The following CTIF variants were observed in gnomAD, a reference collection of about 807,000 sequenced individuals.
The protein encoded by CTIF is CBP80/20-dependent translation initiation factor.
CTIF carries 21 observed loss-of-function variants against 66.0 expected under a neutral mutation model. The observed-to-expected ratio is 0.32, with a 90% CI of 0.23 to 0.46. CTIF has a LOEUF of 0.46. Ranked by LOEUF, CTIF falls within the 20% of genes least tolerant of loss-of-function variation. The pLI is 1.00. For synonymous variants in CTIF, 345 were observed against 326.4 expected, an observed-to-expected ratio of 1.06 and a Z score of -0.62; for missense variants, 739 against 812.7, an observed-to-expected ratio of 0.91 and a Z score of 1.10.
Position 48,860,678 on chromosome 18 carries a change from G to A in CTIF, c.*1119G>A, listed in dbSNP as rs900425949. ...TCTTACTGGGGAAAAGGATGGGAGTGGGGGCTCCCCAGGACTCGATTTTAG... is the reference window on the plus strand; with the variant it reads ...TCTTACTGGGGAAAAGGATGGGAGTAGGGGCTCCCCAGGACTCGATTTTAG... On this transcript the variant is annotated 3_prime_UTR_variant, in exon 12 of 12. Coordinates refer to ENST00000256413, the MANE Select transcript of CTIF (RefSeq NM_014772.3). 6 of 152,276 alleles carry A rather than the reference G, an allele frequency of 3.9e-5. No individual in the cohort carries two copies. In the South Asian group the frequency reaches 1.1e-3, roughly 27 times the overall value. The allele number at this position is 152,276 out of a possible 1,614,324, so 9.4% of individuals were successfully genotyped here.
At chr18:48,540,703 G>A (rs2088589524) in intron 1 of CTIF, among the ~76,000 whole-genome samples, 1 of 151,886 alleles carries the variant, frequency 6.6e-6, no homozygotes, top group South Asian at 2.1e-4. Context: ...CCGCCCGGCT[G>A]TTTGTGTGTA....
chr18:48,846,522 G>T (rs2069078750), intron 10 of CTIF, among the ~76,000 whole-genome samples: 1 of 147,804 alleles, frequency 6.8e-6, no homozygotes, highest in Admixed American at 6.7e-5. Flanking sequence ...TGGATGGATG[G>T]ATGGATGGAT....
chr18:48,719,150 C>G (rs959917529), intron 7 of CTIF, among the ~76,000 whole-genome samples: 1 of 152,140 alleles, frequency 6.6e-6, no homozygotes, highest in Non-Finnish European at 1.5e-5. Flanking sequence ...TTTTTAAGCC[C>G]CATTCCTTGA....
At chr18:48,856,804 T>C (rs1018945340) in intron 10 of CTIF, among the ~76,000 whole-genome samples, 1 of 152,200 alleles carries the variant, frequency 6.6e-6, no homozygotes, top group Middle Eastern at 3.2e-3. Context: ...TGGGGAGTGA[T>C]GAAAATGTTC....
intron 6 of CTIF, among the ~76,000 whole-genome samples, chr18:48,710,952 A>T (rs529262888): frequency 6.6e-6 from 1 of 152,194 alleles, no homozygotes; most frequent in Non-Finnish European, 1.5e-5. Flanking sequence ...AGCCTGGATG[A>T]CAAAACAAGA....
chr18:48,832,176 T>TTTTTTTTTTTC (rs2068707115), intron 10 of CTIF, among the ~76,000 whole-genome samples: 1 of 146,868 alleles, frequency 6.8e-6, no homozygotes, highest in Non-Finnish European at 1.5e-5. Flanking sequence ...GGTCCTTCTT[T>TTTTTTTTTTTC]TTTTTTTTTT....
At chr18:48,743,797 C>T (rs2092573542) in intron 7 of CTIF, among the ~76,000 whole-genome samples, 1 of 151,902 alleles carries the variant, frequency 6.6e-6, no homozygotes, top group Admixed American at 6.6e-5. Context: ...TTTTTTAACA[C>T]TTAAGAGTGT....
intron 9 of CTIF, among the ~76,000 whole-genome samples, chr18:48,764,558 C>T (rs62103264): frequency 0.097 from 14,759 of 152,092 alleles, 915 homozygotes; most frequent in Non-Finnish European, 0.14. Flanking sequence ...TCCCTTCTCC[C>T]GGGCTAGGGG....
At chr18:48,727,959 T>A (rs1440432983) in intron 7 of CTIF, among the ~76,000 whole-genome samples, 2 of 152,192 alleles carry the variant, frequency 1.3e-5, no homozygotes, top group African/African-American at 4.8e-5. Flanking sequence ...GATTTTTTTT[T>A]ATTGTGACAG....
intron 6 of CTIF, among the ~76,000 whole-genome samples, chr18:48,678,286 AT>A (rs1157012384): frequency 2.6e-5 from 4 of 152,102 alleles, no homozygotes; most frequent in Admixed American, 6.6e-5. Context: ...AAAGAGAAAT[AT>A]TTTTTTCTTC....
chr18:48,752,067 G>A (rs779607203), intron 7 of CTIF, among the ~76,000 whole-genome samples: 2 of 152,148 alleles, frequency 1.3e-5, no homozygotes, highest in Non-Finnish European at 2.9e-5. Flanking sequence ...ATCGTTTGGC[G>A]AGGTAAACAT....
intron 3 of CTIF, among the ~76,000 whole-genome samples, chr18:48,655,028 C>T (rs959226388): frequency 6.6e-6 from 1 of 151,924 alleles, no homozygotes; most frequent in Non-Finnish European, 1.5e-5. Context: ...ACGTAAATGA[C>T]GAGTTAATGG....
At chr18:48,611,347 T>C (rs961447602) in intron 1 of CTIF, among the ~76,000 whole-genome samples, 9 of 152,246 alleles carry the variant, frequency 5.9e-5, no homozygotes, top group South Asian at 2.1e-4. Flanking sequence ...CAGTGTCCAC[T>C]GATCATAATA....
intron 1 of CTIF, among the ~76,000 whole-genome samples, chr18:48,592,807 G>A (rs1599203670): frequency 6.6e-6 from 1 of 152,340 alleles, no homozygotes; most frequent in South Asian, 2.1e-4. Flanking sequence ...AAGAATCCAA[G>A]CCTGCCTGCC....
intron 6 of CTIF, among the ~76,000 whole-genome samples, chr18:48,703,897 C>A (rs1243339714): frequency 6.6e-6 from 1 of 152,188 alleles, no homozygotes; most frequent in Non-Finnish European, 1.5e-5. Flanking sequence ...CCAGGGTCAT[C>A]TCTGGGGTTA....
intron 7 of CTIF, among the ~76,000 whole-genome samples, chr18:48,733,984 A>G (rs1450407144): frequency 6.6e-6 from 1 of 152,244 alleles, no homozygotes; most frequent in African/African-American, 2.4e-5. Flanking sequence ...TTGGGGCTCA[A>G]TAAAAGGGAT....
At chr18:48,563,496 G>C (rs2089210010) in intron 1 of CTIF, among the ~76,000 whole-genome samples, 1 of 152,112 alleles carries the variant, frequency 6.6e-6, no homozygotes, top group Non-Finnish European at 1.5e-5. Flanking sequence ...TTTTTGGACA[G>C]ATTCTTACTC....
intron 6 of CTIF, among the ~76,000 whole-genome samples, chr18:48,685,030 A>ATTTTTT (rs35327726): frequency 4.6e-4 from 61 of 133,620 alleles, no homozygotes; most frequent in African/African-American, 1.5e-3. Flanking sequence ...GTTTGTTTGT[A>ATTTTTT]TTTTTTTTTT....
chr18:48,673,037 C>T (rs904507161), intron 6 of CTIF, among the ~76,000 whole-genome samples: 1 of 152,138 alleles, frequency 6.6e-6, no homozygotes. Flanking sequence ...CAGGATACCT[C>T]CCCTGATCCC....
Sources: allele counts gnomAD v4.1 joint callset (sites outside exome capture counted in the v4.1 genomes callset), GRCh38; gene constraint gnomAD v4.1.1; transcripts MANE v1.5; gene names NCBI Gene and HGNC (gene_info 2026-07-23, HGNC 2026-07-21).